SPICE1: variants seen among roughly 807,000 people sequenced by gnomAD.
SPICE1 encodes spindle and centriole-associated protein 1.
SPICE1 carries 75 observed loss-of-function variants against 102.7 expected under a neutral mutation model. The ratio of observed to expected loss-of-function variants is 0.73; its 90% CI spans 0.61 to 0.88. The LOEUF (loss-of-function observed/expected upper bound fraction) is 0.88, where lower values mean the gene tolerates loss of function less well. Among genes scored for constraint, SPICE1 ranks in the 40% least tolerant of loss-of-function variants. The probability of loss-of-function intolerance (pLI) is 0.00; values close to 1 mark genes in which losing one functional copy is unlikely to be tolerated. For synonymous variants in SPICE1, 308 were observed against 350.3 expected, an observed-to-expected ratio of 0.88 and a Z score of 1.35; for missense variants, 979 against 1,020.1, an observed-to-expected ratio of 0.96 and a Z score of 0.55.
chr3:113,498,184 T>C (rs995023177), intron 4 of SPICE1, among the ~76,000 whole-genome samples: 1 of 152,126 alleles, frequency 6.6e-6, no homozygotes, highest in Non-Finnish European at 1.5e-5. Flanking sequence ...CTGTTATATA[T>C]TTTTTTAATG....
intron 1 of SPICE1, among the ~76,000 whole-genome samples, chr3:113,513,957 G>T (rs902545069): frequency 6.6e-6 from 1 of 152,238 alleles, no homozygotes; most frequent in Non-Finnish European, 1.5e-5. Context: ...GGCAGCATGG[G>T]AAGTAAATTC....
At chr3:113,509,502 A>C (rs985930055) in intron 1 of SPICE1, among the ~76,000 whole-genome samples, 2 of 152,212 alleles carry the variant, frequency 1.3e-5, no homozygotes, top group African/African-American at 2.4e-5. Context: ...GAATATAGGC[A>C]TTATTAATAA....
In SPICE1 at chr3:113,501,329, G is replaced by A. The variant is rs72946761; in HGVS notation, c.148-1747C>T. ...AAAACTCTTAGAAGAAAACATAGGA[G>A]TATGTCTTTGTGAACCTTGGGTTAG... is the stretch of plus-strand genomic sequence containing the variant. On this transcript the variant is annotated intron_variant, in intron 3 of 17. Transcript: ENST00000295872. Among the ~76,000 whole-genome samples, 909 of 152,206 alleles carry A rather than the reference G, an allele frequency of 6.0e-3. 7 individuals are homozygous for A. The highest frequency in any genetic ancestry group is 0.021 in the African/African-American group (852 of 41,540).
chr3:113,472,151 G>A (rs894836418), intron 7 of SPICE1, among the ~76,000 whole-genome samples: 1 of 152,224 alleles, frequency 6.6e-6, no homozygotes, highest in African/African-American at 2.4e-5. Flanking sequence ...TGGCTCGGAG[G>A]GTCTTACGCC....
intron 12 of SPICE1, chr3:113,460,147 A>G: frequency 1.0e-6 from 1 of 985,474 alleles, no homozygotes; most frequent in Non-Finnish European, 1.2e-6. Flanking sequence ...ATTTCAAAAT[A>G]ACAACACTAT....
intron 13 of SPICE1, 37 bp downstream of exon 13, chr3:113,457,099 A>C: frequency 1.3e-6 from 2 of 1,534,094 alleles, no homozygotes; most frequent in Non-Finnish European, 1.7e-6. Context: ...TGAAACATTA[A>C]AAAACAACTT....
At chr3:113,472,814 G>C (rs868197762) in intron 7 of SPICE1, among the ~76,000 whole-genome samples, 1 of 152,114 alleles carries the variant, frequency 6.6e-6, no homozygotes, top group South Asian at 2.1e-4. Context: ...ACCAAAAGTA[G>C]CTAAAACCAC....
intron 7 of SPICE1, among the ~76,000 whole-genome samples, chr3:113,472,293 G>C (rs1936223813): frequency 6.6e-6 from 1 of 152,250 alleles, no homozygotes; most frequent in South Asian, 2.1e-4. Context: ...GTTCCAACTG[G>C]GTGGAGCCCA....
chr3:113,455,129 A>G (rs1935751524), intron 13 of SPICE1, among the ~76,000 whole-genome samples: 1 of 152,188 alleles, frequency 6.6e-6, no homozygotes. Context: ...TCTCAAATAA[A>G]TATCAGTTTC....
rs146508156 is a variant in SPICE1, at chr3:113,460,112, T to C, written c.1435+505A>G. On this transcript the variant is annotated intron_variant, in intron 12 of 17. Transcript: ENST00000295872. ...AATGTCCAATTCAGCCTATAGCATA[T>C]GATGGCACATGAGATGAAGGAAGAA... 6,729 of 985,428 alleles carry C rather than the reference T, an allele frequency of 6.8e-3. 36 individuals are homozygous for C. The highest frequency in any genetic ancestry group is 0.033 in the Middle Eastern group (63 of 1,914). The allele number at this position is 985,428 out of a possible 1,614,324, so 61.0% of individuals were successfully genotyped here. A position where few individuals can be genotyped will look rare whatever the true frequency, so the allele number is the denominator to read the frequency against.
chr3:113,448,208 TCTTA>T lies in SPICE1; in HGVS notation c.2324-72_2324-69del, dbSNP rs1935563406. 3.6e-6 allele frequency: 5 copies of T among 1,370,126 alleles called. No homozygotes were observed. The Admixed American group carries it at 8.3e-5, about 23-fold the overall frequency. 84.9% of individuals were successfully genotyped at this position (1,370,126 alleles called of 1,614,324 possible). A position where few individuals can be genotyped will look rare whatever the true frequency, so the allele number is the denominator to read the frequency against. ...AAATAAAAATTTCACTCAATTTCTA[TCTTA>T]CTGCAAACTGCACATTAAAAATTTG... On this transcript the variant is annotated intron_variant, in intron 15 of 17. Transcript: ENST00000295872.
chr3:113,446,242 C>T (rs1935509647), intron 17 of SPICE1, among the ~76,000 whole-genome samples: 2 of 152,156 alleles, frequency 1.3e-5, no homozygotes, highest in South Asian at 2.1e-4. Context: ...CACCCAAGCA[C>T]AAGGACTGGG....
intron 7 of SPICE1, among the ~76,000 whole-genome samples, chr3:113,476,810 T>TA (rs1177003735): frequency 2.7e-5 from 4 of 149,296 alleles, no homozygotes; most frequent in Non-Finnish European, 4.5e-5. Flanking sequence ...ACTTAAACGT[T>TA]AGACCTAAAA....
intron 7 of SPICE1, among the ~76,000 whole-genome samples, chr3:113,482,231 T>C (rs1007309829): frequency 6.6e-6 from 1 of 152,228 alleles, no homozygotes; most frequent in Non-Finnish European, 1.5e-5. Context: ...TGTCTGTTCA[T>C]ATCCTCCACC....
chr3:113,487,263 C>A (rs1048651044), intron 7 of SPICE1, among the ~76,000 whole-genome samples: 5 of 152,026 alleles, frequency 3.3e-5, no homozygotes, highest in Non-Finnish European at 5.9e-5. Context: ...TGGAGACATG[C>A]TGCTCAGTGT....
intron 7 of SPICE1, among the ~76,000 whole-genome samples, chr3:113,481,976 G>T (rs1436625729): frequency 2.0e-5 from 3 of 152,288 alleles, no homozygotes; most frequent in African/African-American, 7.2e-5. Flanking sequence ...CTAGATCCTT[G>T]AGGAATCGCC....
chr3:113,461,564 T>C (rs574928020), intron 11 of SPICE1, among the ~76,000 whole-genome samples: 1 of 152,292 alleles, frequency 6.6e-6, no homozygotes, highest in African/African-American at 2.4e-5. Context: ...AAACATCAGG[T>C]TTGATCACTA....
chr3:113,450,586 T>C (rs114364175), intron 14 of SPICE1, 70 bp from the exon 15 acceptor site: 52,862 of 1,465,102 alleles, frequency 0.036, 1,193 homozygotes, highest in East Asian at 0.11. Flanking sequence ...ACGATTTTTT[T>C]TTTTTTTTTA....
rs1187225078 is a variant in SPICE1 at position 113,445,220 on chromosome 3, AAAG to A, written c.*84_*86del. ...ACAGGATCTTTGTAGGTTTTATCTGAAAGAAGGATATAAAAACTTAAAAGTCAG... is the reference window on the plus strand; with the variant it reads ...ACAGGATCTTTGTAGGTTTTATCTGAAAGGATATAAAAACTTAAAAGTCAG... On this transcript the variant is annotated 3_prime_UTR_variant, in exon 18 of 18. Transcript: ENST00000295872. 6 of 1,022,356 alleles carry A rather than the reference AAAG, an allele frequency of 5.9e-6. No homozygotes were observed. Among genetic ancestry groups the A allele is most frequent in the Non-Finnish European group, 7.4e-6 (5 of 674,042 alleles). The allele number at this position is 1,022,356 out of a possible 1,614,324, so 63.3% of individuals were successfully genotyped here.
Sources: allele counts gnomAD v4.1 joint callset (sites outside exome capture counted in the v4.1 genomes callset), GRCh38; gene constraint gnomAD v4.1.1; transcripts MANE v1.5; gene names NCBI Gene and HGNC (gene_info 2026-07-23, HGNC 2026-07-21).